LMAN1: variants seen among roughly 807,000 people sequenced by gnomAD.
LMAN1 encodes protein ERGIC-53.
A neutral mutation model predicts 67.8 loss-of-function variants in LMAN1; 32 were observed. The ratio of observed to expected loss-of-function variants is 0.47; its 90% CI spans 0.36 to 0.63. The LOEUF (loss-of-function observed/expected upper bound fraction) is 0.63. Among genes scored for constraint, LMAN1 ranks in the 30% least tolerant of loss-of-function variants. LMAN1 has a pLI of 0.00. For synonymous variants in LMAN1, 235 were observed against 219.3 expected (o/e 1.07, Z -0.63); for missense variants, 632 against 628.2 (o/e 1.01, Z -0.06).
chr18:59,348,158 T>C (rs1023102855), intron 6 of LMAN1, among the ~76,000 whole-genome samples: 2 of 152,264 alleles, frequency 1.3e-5, no homozygotes, highest in Non-Finnish European at 2.9e-5. Flanking sequence ...AAGCACCAGC[T>C]CAGCAAATCA....
At chr18:59,352,713 G>A (rs1908570362) in intron 5 of LMAN1, 1 of 186,846 alleles carries the variant, frequency 5.4e-6, no homozygotes, top group Non-Finnish European at 1.1e-5. Context: ...AAATGTTCCT[G>A]CCCTTCCCCA....
At chr18:59,340,420 A>C (rs762368679) in intron 8 of LMAN1, among the ~76,000 whole-genome samples, 14 of 152,194 alleles carry the variant, frequency 9.2e-5, no homozygotes, top group Non-Finnish European at 1.6e-4. Context: ...TGGAAATTCC[A>C]TCAGATTAAC....
chr18:59,352,834 C>A (rs1281595423), intron 5 of LMAN1: 1 of 324,092 alleles, frequency 3.1e-6, no homozygotes, highest in African/African-American at 2.1e-5. Context: ...CTCTGTTAGG[C>A]TATAAGCTCT....
chr18:59,341,400 A>G (rs1908283380), intron 8 of LMAN1, among the ~76,000 whole-genome samples: 1 of 152,164 alleles, frequency 6.6e-6, no homozygotes, highest in South Asian at 2.1e-4. Flanking sequence ...TGGAATATAC[A>G]TTCTTTTCAC....
At position 59,338,879 on chromosome 18, in the gene LMAN1, C is replaced by G; in HGVS notation, c.1030G>C (p.Glu344Gln). 1 of 1,613,758 alleles carries G rather than the reference C, an allele frequency of 6.2e-7. No individual in the cohort carries two copies. Among genetic ancestry groups the G allele is most frequent in the South Asian group, 1.1e-5 (1 of 91,074 alleles). ...VFEGQNRIHL[E>Q]IKQLNRQLDM... The stretch of plus-strand genomic sequence containing the variant: ...AACTGCCGGTTCAGCTGCTTGATTT[C>G]AAGATGAATACGATTCTGTCCTTCA... The change falls in exon 9 of 13, where the codon GAA becomes CAA. Residue 344 changes from glutamate to glutamine, a missense_variant. Coordinates refer to ENST00000251047, the MANE Select transcript of LMAN1 (RefSeq NM_005570.4).
intron 5 of LMAN1, 189 bp downstream of exon 5, chr18:59,353,013 C>T (rs1345556460): frequency 1.7e-6 from 1 of 583,918 alleles, no homozygotes; most frequent in Non-Finnish European, 3.2e-6. Flanking sequence ...TGGAAACATA[C>T]CATCAGGGGT....
At chr18:59,356,074 C>T (rs985799407) in intron 1 of LMAN1, among the ~76,000 whole-genome samples, 2 of 152,186 alleles carry the variant, frequency 1.3e-5, no homozygotes, top group Admixed American at 6.5e-5. Context: ...TTCCTAGTCT[C>T]AGTTCAGCTG....
Position 59,359,057 on chromosome 18 carries a change from G to A in LMAN1, c.188C>T (p.Thr63Ile). The stretch of plus-strand genomic sequence containing the variant: ...CCCCGCGTGGGCCCAGAAGGGCACG[G>A]TCCCGTCGCTCTGCACCAGGTGCGG... ...KGPHLVQSDG[T>I]VPFWAHAGNA... Residue 63 changes from threonine to isoleucine, a missense_variant, in exon 1 of 13, where the codon ACC (threonine) becomes ATC (isoleucine). Physicochemically the swap from Thr to Ile is moderately conservative, Grantham distance 89. Coordinates refer to ENST00000251047, the MANE Select transcript of LMAN1 (RefSeq NM_005570.4). 1.2e-6 allele frequency: 2 copies of A among 1,614,030 alleles called. No individual in the cohort carries two copies. The highest frequency in any genetic ancestry group is 1.7e-6 in the Non-Finnish European group (2 of 1,179,974).
At chr18:59,334,495 T>C (rs907170267) in intron 10 of LMAN1, among the ~76,000 whole-genome samples, 1 of 152,184 alleles carries the variant, frequency 6.6e-6, no homozygotes, top group Non-Finnish European at 1.5e-5. Flanking sequence ...AGAATTGTGG[T>C]TGAAGGAGGT....
At chr18:59,335,614 T>C (rs997210807) in intron 10 of LMAN1, among the ~76,000 whole-genome samples, 5 of 152,156 alleles carry the variant, frequency 3.3e-5, no homozygotes, top group African/African-American at 1.2e-4. Context: ...ATACACATGC[T>C]CTGCCCCTTA....
chr18:59,348,726 A>G (rs1053715865), intron 6 of LMAN1, among the ~76,000 whole-genome samples: 11 of 152,216 alleles, frequency 7.2e-5, no homozygotes, highest in African/African-American at 2.7e-4. Flanking sequence ...GGATCCTAAA[A>G]CACTTGGCAA....
chr18:59,346,144 T>C, intron 7 of LMAN1, 93 bp from the exon 8 acceptor site: 3 of 1,024,558 alleles, frequency 2.9e-6, no homozygotes, highest in Non-Finnish European at 4.3e-6. Flanking sequence ...TTAACTCTTC[T>C]ACCACTAGCG....
chr18:59,331,276 T>C (rs1023135107), intron 12 of LMAN1, 142 bp downstream of exon 12: 2 of 1,071,516 alleles, frequency 1.9e-6, no homozygotes, highest in South Asian at 1.4e-5. Flanking sequence ...GCACTTTATG[T>C]GAACTGAAAT....
chr18:59,354,098 TGA>T (rs1233094331), intron 4 of LMAN1, among the ~76,000 whole-genome samples: 3 of 152,212 alleles, frequency 2.0e-5, no homozygotes, highest in African/African-American at 7.2e-5. Context: ...TGCAAACCAC[TGA>T]GTCTTTAAAT....
At chr18:59,348,711 G>T (rs1446332641) in intron 6 of LMAN1, among the ~76,000 whole-genome samples, 2 of 152,344 alleles carry the variant, frequency 1.3e-5, no homozygotes, top group Middle Eastern at 3.4e-3. Flanking sequence ...ATGTGACAAT[G>T]ATCAGGATCC....
chr18:59,342,155 A>G (rs1908302635), intron 8 of LMAN1, among the ~76,000 whole-genome samples: 1 of 152,124 alleles, frequency 6.6e-6, no homozygotes, highest in Non-Finnish European at 1.5e-5. Context: ...GAACAGATCA[A>G]TAATGAGTAG....
At chr18:59,345,853 C>T (rs1908388208) in intron 8 of LMAN1, 66 bp downstream of exon 8, 1 of 1,591,828 alleles carries the variant, frequency 6.3e-7, no homozygotes, top group South Asian at 1.1e-5. Flanking sequence ...CACAGAGACT[C>T]AAGCGTCCAT....
chr18:59,335,474 C>T (rs765577401), intron 10 of LMAN1, among the ~76,000 whole-genome samples: 4 of 150,612 alleles, frequency 2.7e-5, no homozygotes, highest in African/African-American at 4.9e-5. Flanking sequence ...AAAGAAAATA[C>T]GTATATGCAG....
At chr18:59,335,537 G>A (rs1344396930) in intron 10 of LMAN1, among the ~76,000 whole-genome samples, 2 of 152,178 alleles carry the variant, frequency 1.3e-5, no homozygotes, top group Non-Finnish European at 2.9e-5. Context: ...TACCAAGAGG[G>A]AATGGGTGGG....
Sources: allele counts gnomAD v4.1 joint callset (sites outside exome capture counted in the v4.1 genomes callset), GRCh38; gene constraint gnomAD v4.1.1; transcripts MANE v1.5; gene names NCBI Gene and HGNC (gene_info 2026-07-23, HGNC 2026-07-21).